The following SRPK2 variants were observed in gnomAD, a reference collection of about 807,000 sequenced individuals.
The protein encoded by SRPK2 is SFRS protein kinase 2.
A neutral mutation model predicts 90.8 loss-of-function variants in SRPK2; 21 were observed. The observed-to-expected ratio is 0.23, with a 90% confidence interval of 0.16 to 0.33. The LOEUF (loss-of-function observed/expected upper bound fraction) is 0.33, where lower values mean the gene tolerates loss of function less well. SRPK2 is among the 10% of genes least tolerant of loss of function. The pLI, the probability that SRPK2 is intolerant of heterozygous loss-of-function variation, is 1.00. For synonymous variants in SRPK2, 288 were observed against 311.1 expected (o/e 0.93, Z 0.78); for missense variants, 620 against 869.0 (o/e 0.71, Z 3.60).
intron 2 of SRPK2, among the ~76,000 whole-genome samples, chr7:105,346,088 G>A (rs1816421171): frequency 6.6e-6 from 1 of 152,224 alleles, no homozygotes. Context: ...AGTACCAGGT[G>A]ACAGTCTTTC....
intron 2 of SRPK2, among the ~76,000 whole-genome samples, chr7:105,230,842 A>T (rs780182318): frequency 5.3e-5 from 8 of 152,256 alleles, no homozygotes; most frequent in Non-Finnish European, 1.0e-4. Context: ...CAGTTAAAAA[A>T]AAGTATACAA....
chr7:105,358,931 G>A (rs190639678), intron 2 of SRPK2, among the ~76,000 whole-genome samples: 217 of 151,494 alleles, frequency 1.4e-3, no homozygotes, highest in African/African-American at 4.9e-3. Flanking sequence ...AGAACACAGA[G>A]AGAGAGAGAG....
chr7:105,288,402 T>C (rs1336107981), intron 2 of SRPK2, among the ~76,000 whole-genome samples: 1 of 152,126 alleles, frequency 6.6e-6, no homozygotes, highest in Non-Finnish European at 1.5e-5. Flanking sequence ...GAGATCAGCC[T>C]GGCCAACACA....
chr7:105,150,050 C>T (rs1225241653), intron 7 of SRPK2, among the ~76,000 whole-genome samples: 1 of 137,656 alleles, frequency 7.3e-6, no homozygotes, highest in Non-Finnish European at 1.6e-5. Context: ...GGTAATTGGC[C>T]AAAAAAAAAA....
intron 2 of SRPK2, among the ~76,000 whole-genome samples, chr7:105,387,516 T>C (rs1201959460): frequency 6.6e-6 from 1 of 151,536 alleles, no homozygotes. Flanking sequence ...TTTTCTTTTT[T>C]TTTTTTTTTT....
At chr7:105,220,942 G>A (rs1289756583) in intron 2 of SRPK2, among the ~76,000 whole-genome samples, 3 of 152,050 alleles carry the variant, frequency 2.0e-5, no homozygotes, top group South Asian at 4.2e-4. Flanking sequence ...TTTGGTACTG[G>A]AGGTAAATAA....
intron 2 of SRPK2, among the ~76,000 whole-genome samples, chr7:105,375,612 T>G (rs1347416966): frequency 6.6e-6 from 1 of 151,986 alleles, no homozygotes; most frequent in Non-Finnish European, 1.5e-5. Flanking sequence ...CAAGTACAGG[T>G]GGAAATACAA....
At chr7:105,346,857 TA>T (rs34287828) in intron 2 of SRPK2, among the ~76,000 whole-genome samples, 144 of 137,232 alleles carry the variant, frequency 1.0e-3, no homozygotes, top group Middle Eastern at 7.5e-3. Context: ...TCTCATTTGT[TA>T]AAAAAAAAAA....
chr7:105,142,058 T>C lies in SRPK2; in HGVS notation c.1493A>G (p.His498Arg), dbSNP rs1803851801. Residue 498 changes from histidine to arginine, a missense_variant, in exon 11 of 16, where the codon CAT becomes CGT. His to Arg is a conservative substitution (Grantham distance 29). This residue lies in a region of SRPK2 where 243 missense variants were observed against 245.7 expected (regional missense o/e 0.99). Transcript: ENST00000393651. ...LTEQEESSPS[H>R]DRSRTVSASS... Reference sequence around the variant, plus strand: ...GGCTGAAACCGTTCTGCTTCTGTCATGGGATGGACTGCTCTCCTCTTGCTC... The same window carrying C: ...GGCTGAAACCGTTCTGCTTCTGTCACGGGATGGACTGCTCTCCTCTTGCTC... The C allele has an allele frequency of 4.3e-6, 7 of 1,614,086 alleles. No individual in the cohort carries two copies. Among genetic ancestry groups the C allele is most frequent in the Non-Finnish European group, 5.9e-6 (7 of 1,179,984 alleles).
intron 2 of SRPK2, among the ~76,000 whole-genome samples, chr7:105,326,232 A>G (rs775057230): frequency 6.6e-6 from 1 of 152,166 alleles, no homozygotes; most frequent in Non-Finnish European, 1.5e-5. Context: ...CAACCCACCA[A>G]CTAGACTATT....
At chr7:105,266,933 G>A (rs1056845381) in intron 2 of SRPK2, among the ~76,000 whole-genome samples, 1 of 152,082 alleles carries the variant, frequency 6.6e-6, no homozygotes, top group Non-Finnish European at 1.5e-5. Flanking sequence ...CTACATTAAC[G>A]AAACAACTTC....
At chr7:105,390,586 A>C (rs1822137894), upstream of SRPK2, among the ~76,000 whole-genome samples, 1 of 139,378 alleles carries the variant, frequency 7.2e-6, no homozygotes, top group Non-Finnish European at 1.5e-5. Flanking sequence ...ACACCACCAC[A>C]TCTAGTTAAT....
At chr7:105,156,424 T>G (rs1806498530) in intron 7 of SRPK2, among the ~76,000 whole-genome samples, 1 of 152,252 alleles carries the variant, frequency 6.6e-6, no homozygotes, top group Non-Finnish European at 1.5e-5. Flanking sequence ...AAGCACTGAA[T>G]TAACTATTTG....
intron 2 of SRPK2, among the ~76,000 whole-genome samples, chr7:105,331,193 C>T (rs1271408457): frequency 1.3e-5 from 2 of 150,760 alleles, no homozygotes; most frequent in Non-Finnish European, 3.0e-5. Context: ...ACTGTAATCC[C>T]AGCTACGTGG....
chr7:105,196,378 A>G (rs1368572566), intron 3 of SRPK2, among the ~76,000 whole-genome samples: 1 of 152,258 alleles, frequency 6.6e-6, no homozygotes, highest in Non-Finnish European at 1.5e-5. Flanking sequence ...CACGTCTATA[A>G]AATACTTCAG....
chr7:105,331,309 A>C (rs1814311928), intron 2 of SRPK2, among the ~76,000 whole-genome samples: 1 of 53,360 alleles, frequency 1.9e-5, no homozygotes, highest in Non-Finnish European at 4.1e-5. Context: ...ACTCCGTCTC[A>C]AAAAAAAAAA....
rs75083981 is a variant in SRPK2, at chr7:105,194,301, C to T, written c.229+9327G>A. On this transcript the variant is annotated intron_variant, in intron 3 of 15. Transcript: ENST00000393651. Reference sequence around the variant, plus strand: ...TACATATTCACTGTAAGATTAGAAACAAGACAAGGGAGATGTCTATTCTTA... The same window carrying T: ...TACATATTCACTGTAAGATTAGAAATAAGACAAGGGAGATGTCTATTCTTA... 5.3e-3 allele frequency among the ~76,000 whole-genome samples: 802 copies of T among 152,054 alleles called. 22 individuals carry two copies. The highest frequency in any genetic ancestry group is 0.028 in the East Asian group (146 of 5,186).
In SRPK2 at chr7:105,249,487, A is replaced by G. The variant is rs545814593; in HGVS notation, c.72-45702T>C. Reference sequence around the variant, plus strand: ...TAAAATAATCATTCTTGGTTTTCTTAAAGAACAGAAAAAAAAAAACTGGTC... The same window carrying G: ...TAAAATAATCATTCTTGGTTTTCTTGAAGAACAGAAAAAAAAAAACTGGTC... On this transcript the variant is annotated intron_variant, in intron 2 of 15. Coordinates refer to ENST00000393651, the MANE Select transcript of SRPK2 (RefSeq NM_182692.3). Among the ~76,000 whole-genome samples the G allele has an allele frequency of 2.0e-5, 3 of 152,138 alleles. No individual in the cohort carries two copies. In the South Asian group the frequency reaches 6.2e-4, roughly 32 times the overall value.
intron 2 of SRPK2, among the ~76,000 whole-genome samples, chr7:105,366,917 G>A (rs1235362676): frequency 6.6e-6 from 1 of 152,004 alleles, no homozygotes; most frequent in Non-Finnish European, 1.5e-5. Context: ...ACTTTTTCTT[G>A]TAACATCATG....
Sources: allele counts gnomAD v4.1 joint callset (sites outside exome capture counted in the v4.1 genomes callset), GRCh38; gene constraint gnomAD v4.1.1; regional missense constraint gnomAD v4.1.1; transcripts MANE v1.5; gene names NCBI Gene and HGNC (gene_info 2026-07-23, HGNC 2026-07-21).